ATRNL1: variants seen among roughly 807,000 people sequenced by gnomAD.
The protein encoded by ATRNL1 is attractin-like protein 1.
ATRNL1 carries 95 observed loss-of-function variants against 182.7 expected under a neutral mutation model. That is an observed-to-expected ratio of 0.52 (90% CI 0.44 to 0.62). ATRNL1 has a LOEUF of 0.62. ATRNL1 is among the 20% of genes least tolerant of loss of function. The pLI is 0.00. For synonymous variants in ATRNL1, 576 were observed against 568.3 expected, an observed-to-expected ratio of 1.01 and a Z score of -0.19; for missense variants, 1,471 against 1,679.5, an observed-to-expected ratio of 0.88 and a Z score of 2.17.
chr10:115,652,923 A>C (rs782614329), intron 26 of ATRNL1, among the ~76,000 whole-genome samples: 2 of 152,134 alleles, frequency 1.3e-5, no homozygotes, highest in Non-Finnish European at 2.9e-5. Flanking sequence ...AGGAAAGTTT[A>C]TTACTAATTT....
intron 25 of ATRNL1, among the ~76,000 whole-genome samples, chr10:115,528,339 C>G (rs1851370540): frequency 6.6e-6 from 1 of 152,048 alleles, no homozygotes; most frequent in Admixed American, 6.6e-5. Flanking sequence ...ATTCCTTTAT[C>G]ATTCAATCTT....
At chr10:115,736,313 A>G (rs1555065640) in intron 27 of ATRNL1, among the ~76,000 whole-genome samples, 1 of 152,008 alleles carries the variant, frequency 6.6e-6, no homozygotes, top group African/African-American at 2.4e-5. Context: ...GCTTTCTACT[A>G]TGTCCATTTG....
At chr10:115,432,604 A>G (rs904166826) in intron 21 of ATRNL1, among the ~76,000 whole-genome samples, 1 of 152,164 alleles carries the variant, frequency 6.6e-6, no homozygotes, top group South Asian at 2.1e-4. Flanking sequence ...ATTGAAAGTG[A>G]TATGTCAGCA....
chr10:115,868,304 A>G lies in ATRNL1; in HGVS notation c.4018+20313A>G, dbSNP rs148057724. On this transcript the variant is annotated intron_variant, in intron 28 of 28. Transcript: ENST00000355044. ...GCCATCTTCATTTATTCCCTAGCCC[A>G]TTGTAATCTGACTTCAGTACTCACT... is the stretch of plus-strand genomic sequence containing the variant. Among the ~76,000 whole-genome samples the G allele has an allele frequency of 1.0e-3, 158 of 152,136 alleles. 1 individual carries two copies. The East Asian group carries it at 0.023, about 22-fold the overall frequency.
chr10:115,904,755 A>G (rs1367849616), intron 28 of ATRNL1, among the ~76,000 whole-genome samples: 1 of 152,236 alleles, frequency 6.6e-6, no homozygotes, highest in African/African-American at 2.4e-5. Flanking sequence ...CCATTTTCAA[A>G]TTCCTGGAGA....
intron 20 of ATRNL1, among the ~76,000 whole-genome samples, chr10:115,414,499 C>T (rs1179531061): frequency 6.6e-6 from 1 of 150,408 alleles, no homozygotes; most frequent in Middle Eastern, 3.4e-3. Flanking sequence ...TGAATTTTTT[C>T]CTTTCCCATT....
intron 20 of ATRNL1, among the ~76,000 whole-genome samples, chr10:115,413,094 G>A (rs1845221339): frequency 6.6e-6 from 1 of 152,046 alleles, no homozygotes; most frequent in African/African-American, 2.4e-5. Context: ...TTTATTTTTG[G>A]CATGTGAGGA....
intron 20 of ATRNL1, among the ~76,000 whole-genome samples, chr10:115,417,581 C>G (rs1554961109): frequency 6.6e-6 from 1 of 152,176 alleles, no homozygotes; most frequent in African/African-American, 2.4e-5. Flanking sequence ...GCTATCCAAC[C>G]TTTGTCCCAC....
At chr10:115,350,209 G>A (rs1008341243) in intron 19 of ATRNL1, among the ~76,000 whole-genome samples, 2 of 151,578 alleles carry the variant, frequency 1.3e-5, no homozygotes, top group South Asian at 2.1e-4. Flanking sequence ...GGTGGTGTGC[G>A]CCTGCAGTCC....
At chr10:115,734,764 A>G (rs1226914671) in intron 27 of ATRNL1, among the ~76,000 whole-genome samples, 1 of 151,790 alleles carries the variant, frequency 6.6e-6, no homozygotes, top group African/African-American at 2.4e-5. Context: ...TATTTTTCAG[A>G]CCCTACCTTT....
chr10:115,573,365 T>C (rs1555004061), intron 26 of ATRNL1, among the ~76,000 whole-genome samples: 2 of 151,934 alleles, frequency 1.3e-5, no homozygotes, highest in Non-Finnish European at 2.9e-5. Context: ...TGTTCCATTG[T>C]CTGTCTGCTT....
At chr10:115,253,457 A>G (rs1251317951) in intron 10 of ATRNL1, among the ~76,000 whole-genome samples, 2 of 152,036 alleles carry the variant, frequency 1.3e-5, no homozygotes, top group Non-Finnish European at 2.9e-5. Context: ...AGCAACCCAG[A>G]CAACAAGTTT....
intron 21 of ATRNL1, among the ~76,000 whole-genome samples, chr10:115,457,250 T>C (rs1176659781): frequency 6.6e-6 from 1 of 152,046 alleles, no homozygotes; most frequent in African/African-American, 2.4e-5. Context: ...CTGGGGTTTT[T>C]ATGGGCTTAA....
At chr10:115,109,324 T>C (rs1026213416) in intron 1 of ATRNL1, among the ~76,000 whole-genome samples, 3 of 152,214 alleles carry the variant, frequency 2.0e-5, no homozygotes, top group African/African-American at 7.2e-5. Flanking sequence ...TAGTGATTTA[T>C]AATGAATAAA....
At chr10:115,866,571 G>T (rs1347828687) in intron 28 of ATRNL1, among the ~76,000 whole-genome samples, 7 of 152,130 alleles carry the variant, frequency 4.6e-5, no homozygotes, top group Non-Finnish European at 1.0e-4. Flanking sequence ...TAATTGACAG[G>T]ACCAAGATAT....
At chr10:115,239,596 G>A (rs1299940400) in intron 9 of ATRNL1, among the ~76,000 whole-genome samples, 1 of 152,086 alleles carries the variant, frequency 6.6e-6, no homozygotes, top group Non-Finnish European at 1.5e-5. Context: ...CTGCTTTGGA[G>A]TTGCAGGTGG....
chr10:115,456,166 C>T (rs142039701), intron 21 of ATRNL1, among the ~76,000 whole-genome samples: 22 of 152,236 alleles, frequency 1.4e-4, no homozygotes, highest in Non-Finnish European at 1.9e-4. Context: ...AATCATACTA[C>T]TATAAAGACA....
chr10:115,616,745 T>C (rs1380188454), intron 26 of ATRNL1, among the ~76,000 whole-genome samples: 3 of 152,228 alleles, frequency 2.0e-5, no homozygotes, highest in Non-Finnish European at 4.4e-5. Context: ...CCATAAGCCT[T>C]GGTGGCTTCC....
At chr10:115,514,354 G>A (rs1050855585) in intron 24 of ATRNL1, among the ~76,000 whole-genome samples, 4 of 151,834 alleles carry the variant, frequency 2.6e-5, no homozygotes, top group African/African-American at 9.7e-5. Flanking sequence ...AATAGGTAAA[G>A]ATAGATAATG....
Sources: gnomAD v4.1 joint callset for allele counts (sites outside exome capture counted in the v4.1 genomes callset) on GRCh38, gnomAD v4.1.1 for gene constraint, MANE v1.5 for transcripts, NCBI Gene and HGNC (gene_info 2026-07-23, HGNC 2026-07-21) for gene names.